Variants in DISP1 observed in about 807,000 individuals in gnomAD.
DISP1 encodes dispatched RND transporter family member 1.
DISP1 carries 30 observed loss-of-function variants against 37.3 expected under a neutral mutation model. That is an observed-to-expected ratio of 0.80 (90% CI 0.60 to 1.09). DISP1 has a LOEUF of 1.09. Among genes scored for constraint, DISP1 ranks in the 50% least tolerant of loss-of-function variants. The pLI, the probability that DISP1 is intolerant of heterozygous loss-of-function variation, is 0.00. For missense variants in DISP1, 1,598 were observed against 1,879.5 expected (o/e 0.85, Z 2.77); for synonymous variants, 634 against 690.2 (o/e 0.92, Z 1.28).
intron 3 of DISP1, among the ~76,000 whole-genome samples, chr1:222,950,738 C>T (rs1675163527): frequency 6.6e-6 from 1 of 152,200 alleles, no homozygotes; most frequent in South Asian, 2.1e-4. Flanking sequence ...TGGAAAATAC[C>T]TCTCAAAAGC....
chr1:222,834,857 T>C lies in DISP1; in HGVS notation c.-159+19779T>C, dbSNP rs114412324. Among the ~76,000 whole-genome samples the C allele has an allele frequency of 1.7e-3, 260 of 152,292 alleles. 3 individuals carry two copies. The highest frequency in any genetic ancestry group is 6.1e-3 in the African/African-American group (254 of 41,570). ...CTCTGTTTTTTTCCCATGCTTAAAGTAGAATAATACTTACCTTGCAGAGTT... is the reference window on the plus strand; with the variant it reads ...CTCTGTTTTTTTCCCATGCTTAAAGCAGAATAATACTTACCTTGCAGAGTT... On this transcript the variant is annotated intron_variant, in intron 1 of 8. Coordinates refer to ENST00000675850, the MANE Select transcript of DISP1 (RefSeq NM_001377229.1).
chr1:222,991,508 A>AT lies in DISP1; in HGVS notation c.664-8dup. 1 of 1,613,690 alleles carries AT rather than the reference A, an allele frequency of 6.2e-7. No homozygotes were observed. The highest frequency in any genetic ancestry group is 8.5e-7 in the Non-Finnish European group (1 of 1,179,718). ...TGAAATATACTAATGAGCACCTGTA[A>AT]TTTTGCCTTAGGGTTTTGAACCAAG... On this transcript the variant is annotated splice_polypyrimidine_tract_variant and intron_variant, in intron 5 of 8. Coordinates refer to ENST00000675850, the MANE Select transcript of DISP1 (RefSeq NM_001377229.1).
At chr1:222,897,865 A>AATGTAAAAACATGTACATGTC in intron 1 of DISP1, among the ~76,000 whole-genome samples, 1 of 152,324 alleles carries the variant, frequency 6.6e-6, no homozygotes, top group Admixed American at 6.5e-5. Context: ...ACATACATGT[A>AATGTAAAAACATGTACATGTC]ATGTAAAAAC....
intron 1 of DISP1, among the ~76,000 whole-genome samples, chr1:222,873,291 T>C (rs935432825): frequency 5.3e-5 from 8 of 152,206 alleles, no homozygotes; most frequent in Non-Finnish European, 4.4e-5. Flanking sequence ...TTATTAGGTC[T>C]GCTTGGTGCA....
intron 1 of DISP1, among the ~76,000 whole-genome samples, chr1:222,845,318 AAAG>A (rs1261886813): frequency 2.0e-5 from 3 of 152,202 alleles, no homozygotes; most frequent in South Asian, 2.1e-4. Context: ...AAAGTGAAAA[AAAG>A]AAGTGGAAGA....
Position 222,942,977 on chromosome 1 carries a change from C to T in DISP1, c.154C>T (p.Pro52Ser). The stretch of plus-strand genomic sequence containing the variant: ...AGAAGCAACAAGAACAAAAGTGAGT[C>T]CAAATGGATGCCTGCAACTTAATGG... ...PKEATRTKVS[P>S]NGCLQLNGTV... The change falls in exon 3 of 9, where the codon CCA (proline) becomes TCA (serine). Residue 52 changes from proline (P) to serine (S), a missense_variant. Transcript: ENST00000675850. The T allele has an allele frequency of 6.2e-7, 1 of 1,614,176 alleles. No homozygotes were observed. Among genetic ancestry groups the T allele is most frequent in the Non-Finnish European group, 8.5e-7 (1 of 1,180,042 alleles).
chr1:222,971,173 AT>A (rs1238071061), intron 3 of DISP1, among the ~76,000 whole-genome samples: 2 of 152,118 alleles, frequency 1.3e-5, no homozygotes, highest in Non-Finnish European at 2.9e-5. Context: ...AAAAATTTAA[AT>A]TTTAAGTTAG....
intron 8 of DISP1, among the ~76,000 whole-genome samples, chr1:222,996,202 T>A (rs1679058394): frequency 2.6e-5 from 4 of 152,260 alleles, no homozygotes; most frequent in Admixed American, 2.6e-4. Flanking sequence ...TTTCTTCTCT[T>A]CTACAGCTAT....
At chr1:222,933,112 T>C (rs1278356374) in intron 2 of DISP1, among the ~76,000 whole-genome samples, 1 of 151,998 alleles carries the variant, frequency 6.6e-6, no homozygotes, top group Non-Finnish European at 1.5e-5. Context: ...AATACTGCTT[T>C]CCAAAGGTAG....
At chr1:222,849,457 TC>T (rs34929534) in intron 1 of DISP1, among the ~76,000 whole-genome samples, 29,919 of 151,910 alleles carry the variant, frequency 0.2, 3,530 homozygotes, top group Non-Finnish European at 0.26. Flanking sequence ...ATAGACCAAA[TC>T]TGTATAACAT....
Position 222,922,338 on chromosome 1 carries a change from C to T in DISP1, c.-158-6092C>T, listed in dbSNP as rs117106843. On this transcript the variant is annotated intron_variant, in intron 1 of 8. Coordinates refer to ENST00000675850, the MANE Select transcript of DISP1 (RefSeq NM_001377229.1). ...AGATAAGGTAGAAAAGGTAGGAGAC[C>T]ATAGATAGGGTCACATCTATTAGGC... Among the ~76,000 whole-genome samples the T allele has an allele frequency of 3.7e-4, 56 of 152,024 alleles. No homozygotes were observed. The East Asian group carries it at 8.7e-3, about 24-fold the overall frequency.
intron 3 of DISP1, among the ~76,000 whole-genome samples, chr1:222,951,908 A>G (rs1049863946): frequency 6.6e-5 from 10 of 152,220 alleles, no homozygotes; most frequent in Non-Finnish European, 1.5e-4. Context: ...GTTAAATACC[A>G]GTGCTTTTAC....
Position 222,895,433 on chromosome 1 carries a change from TA to T in DISP1, c.-158-32990del, listed in dbSNP as rs559533371. Among the ~76,000 whole-genome samples, 1,347 of 152,294 alleles carry T rather than the reference TA, an allele frequency of 8.8e-3. 13 individuals are homozygous for T. The highest frequency in any genetic ancestry group is 0.011 in the Non-Finnish European group (778 of 68,014). On this transcript the variant is annotated intron_variant, in intron 1 of 8. Transcript: ENST00000675850. The stretch of plus-strand genomic sequence containing the variant: ...ATTGTTTTAAGAATAACTGATTTTT[TA>T]AAAAAATGATGAAATACAAACTTCT...
intron 1 of DISP1, among the ~76,000 whole-genome samples, chr1:222,925,776 C>G (rs993476637): frequency 6.6e-6 from 1 of 152,126 alleles, no homozygotes. Flanking sequence ...CAAGCCCTAC[C>G]CCAGACCTTC....
intron 1 of DISP1, among the ~76,000 whole-genome samples, chr1:222,856,617 CTACCA>C (rs1668560122): frequency 6.6e-6 from 1 of 151,866 alleles, no homozygotes; most frequent in Non-Finnish European, 1.5e-5. Flanking sequence ...CATCTGCTGC[CTACCA>C]TACGATATCC....
At chr1:222,860,463 G>C (rs1022045024) in intron 1 of DISP1, among the ~76,000 whole-genome samples, 3 of 152,190 alleles carry the variant, frequency 2.0e-5, no homozygotes, top group Non-Finnish European at 2.9e-5. Context: ...TATTGAGAAA[G>C]CAGGGAAGAA....
intron 1 of DISP1, among the ~76,000 whole-genome samples, chr1:222,863,815 A>G (rs1331310384): frequency 6.6e-6 from 1 of 152,090 alleles, no homozygotes; most frequent in Non-Finnish European, 1.5e-5. Flanking sequence ...GTCCCTGCAA[A>G]CTGTTCCTTT....
intron 1 of DISP1, among the ~76,000 whole-genome samples, chr1:222,837,857 AC>A (rs1424672562): frequency 2.0e-5 from 3 of 152,188 alleles, no homozygotes; most frequent in Non-Finnish European, 2.9e-5. Context: ...ATGTTATAAA[AC>A]GTTGTTTCTC....
chr1:222,990,537 A>G, intron 4 of DISP1, 88 bp from the exon 5 acceptor site: 1 of 1,608,206 alleles, frequency 6.2e-7, no homozygotes, highest in African/African-American at 1.3e-5. Context: ...GGTACCAAAA[A>G]TATTTCTGCG....
Sources: allele counts gnomAD v4.1 joint callset (sites outside exome capture counted in the v4.1 genomes callset), GRCh38; gene constraint gnomAD v4.1.1; transcripts MANE v1.5; gene names NCBI Gene and HGNC (gene_info 2026-07-23, HGNC 2026-07-21).